ABHD2: variants seen among roughly 807,000 people sequenced by gnomAD.
ABHD2 encodes monoacylglycerol lipase ABHD2.
A neutral mutation model predicts 48.1 loss-of-function variants in ABHD2; 20 were observed. That is an observed-to-expected ratio of 0.42 (90% CI 0.29 to 0.60). The LOEUF (loss-of-function observed/expected upper bound fraction) is 0.60, where lower values mean the gene tolerates loss of function less well. Ranked by LOEUF, ABHD2 falls within the 20% of genes least tolerant of loss-of-function variation. The pLI, the probability that ABHD2 is intolerant of heterozygous loss-of-function variation, is 0.24. For missense variants in ABHD2, 405 were observed against 550.9 expected, an observed-to-expected ratio of 0.74 and a Z score of 2.65; for synonymous variants, 209 against 214.2, an observed-to-expected ratio of 0.98 and a Z score of 0.21.
At chr15:89,067,981 A>G in the ABHD2 span, among the ~76,000 whole-genome samples, 1,045 of 152,254 alleles carry the variant, frequency 6.9e-3, 6 homozygotes, top group African/African-American at 0.024. Context: ...GGCCACAAAT[A>G]CTGAATCACC....
chr15:89,165,678 G>A (rs1399230608), intron 5 of ABHD2, among the ~76,000 whole-genome samples: 1 of 152,174 alleles, frequency 6.6e-6, no homozygotes, highest in East Asian at 1.9e-4. Context: ...ATAACACTTG[G>A]AAATCAAGGA....
intron 3 of ABHD2, among the ~76,000 whole-genome samples, chr15:89,125,646 C>T (rs1353742355): frequency 1.3e-5 from 2 of 152,198 alleles, no homozygotes; most frequent in Admixed American, 6.5e-5. Context: ...ACTGTCAGTA[C>T]TAATACCGGG....
chr15:89,148,564 C>T (rs2050536811), intron 3 of ABHD2, among the ~76,000 whole-genome samples: 1 of 152,244 alleles, frequency 6.6e-6, no homozygotes, highest in South Asian at 2.1e-4. Context: ...GTAAAACGCA[C>T]ATACCTCTCA....
At chr15:89,061,636 A>T in the ABHD2 span, among the ~76,000 whole-genome samples, 1 of 151,976 alleles carries the variant, frequency 6.6e-6, no homozygotes, top group African/African-American at 2.4e-5. Context: ...GCAGTGGCAC[A>T]ATCTCAGCTC....
the ABHD2 span, among the ~76,000 whole-genome samples, chr15:89,060,105 T>TC: frequency 1.5e-5 from 2 of 130,510 alleles, no homozygotes; most frequent in Admixed American, 1.6e-4. Flanking sequence ...TTTTTTTTTT[T>TC]TTGAGACAGA....
intron 3 of ABHD2, among the ~76,000 whole-genome samples, chr15:89,139,544 T>G (rs2050369539): frequency 6.6e-6 from 1 of 152,154 alleles, no homozygotes; most frequent in Non-Finnish European, 1.5e-5. Flanking sequence ...TGAATTTTAT[T>G]AAATCAATAT....
the ABHD2 span, among the ~76,000 whole-genome samples, chr15:89,069,834 C>A: frequency 6.6e-6 from 1 of 151,864 alleles, no homozygotes; most frequent in Non-Finnish European, 1.5e-5. Flanking sequence ...TGCGTACCAC[C>A]ATGCATGGCT....
chr15:89,072,193 G>C, the ABHD2 span, among the ~76,000 whole-genome samples: 1 of 152,098 alleles, frequency 6.6e-6, no homozygotes, highest in African/African-American at 2.4e-5. Context: ...ACAAATGTTT[G>C]GGCCAGGTGC....
rs28481717 is a variant in ABHD2, at chr15:89,100,043, C to T, written c.-107+11480C>T. 0.036 allele frequency among the ~76,000 whole-genome samples: 5,509 copies of T among 152,018 alleles called. 336 individuals carry two copies. Among genetic ancestry groups the T allele is most frequent in the African/African-American group, 0.13 (5,248 of 41,452 alleles). ...AGATTTAATATTTTGTCTGGGCAGC[C>T]GGTAGAGGAGCTTATGGTCTGGAAT... On this transcript the variant is annotated intron_variant, in intron 1 of 10. Coordinates refer to ENST00000352732, the MANE Select transcript of ABHD2 (RefSeq NM_152924.5). This position sits in a 1 kb window ranked among gnomAD's most constrained non-coding sequence, Gnocchi z 4.4.
chr15:89,105,360 T>C (rs2049767852), intron 1 of ABHD2, among the ~76,000 whole-genome samples: 1 of 152,240 alleles, frequency 6.6e-6, no homozygotes, highest in Admixed American at 6.5e-5. Flanking sequence ...AATGTGAGGT[T>C]CACGTTTTCC....
At position 89,097,526 on chromosome 15, in the gene ABHD2, T is replaced by C. The variant is rs2150779098; in HGVS notation, c.-107+8963T>C. Among the ~76,000 whole-genome samples the C allele has an allele frequency of 6.6e-6, 1 of 152,330 alleles. No individual in the cohort carries two copies. The highest frequency in any genetic ancestry group is 2.1e-4 in the South Asian group (1 of 4,830). Reference sequence around the variant, plus strand: ...GACATTATGATTGATTGCTCTACCATTTATGTCTCTTTTAAGCTATAGGTC... The same window carrying C: ...GACATTATGATTGATTGCTCTACCACTTATGTCTCTTTTAAGCTATAGGTC... On this transcript the variant is annotated intron_variant, in intron 1 of 10. Coordinates refer to ENST00000352732, the MANE Select transcript of ABHD2 (RefSeq NM_152924.5). This position sits in a 1 kb window ranked among gnomAD's most constrained non-coding sequence, Gnocchi z 4.2.
chr15:89,149,394 A>T (rs981846901), intron 3 of ABHD2, among the ~76,000 whole-genome samples: 1 of 152,226 alleles, frequency 6.6e-6, no homozygotes, highest in Non-Finnish European at 1.5e-5. Flanking sequence ...TTTTAAAAAC[A>T]TATATTTGTC....
rs1329319115 is a variant in ABHD2 at position 89,177,609 on chromosome 15, G to A, written c.722+1614G>A. 6.6e-6 allele frequency among the ~76,000 whole-genome samples: 1 copy of A among 152,130 alleles called. No individual in the cohort carries two copies. Among genetic ancestry groups the A allele is most frequent in the African/African-American group, 2.4e-5 (1 of 41,412 alleles). On this transcript the variant is annotated intron_variant, in intron 6 of 10. Transcript: ENST00000352732. The surrounding 1 kb of genome is among the most constrained non-coding windows in gnomAD (Gnocchi z 5.6). ...TCTCTCCAGCTGCTCTCGCGTTCCA[G>A]GACCAGGCTAGTCCCCCATCTTCCT...
In ABHD2 at chr15:89,182,959, T is replaced by C. The variant is rs1171952665; in HGVS notation, c.723-2465T>C. 6.6e-6 allele frequency among the ~76,000 whole-genome samples: 1 copy of C among 152,156 alleles called. No homozygotes were observed. Among genetic ancestry groups the C allele is most frequent in the African/African-American group, 2.4e-5 (1 of 41,428 alleles). On this transcript the variant is annotated intron_variant, in intron 6 of 10. Transcript: ENST00000352732. This position sits in a 1 kb window ranked among gnomAD's most constrained non-coding sequence, Gnocchi z 4.8. ...ATAACATGAATTCATACCCCCATCTTGTTTCCTCTACACCTATCCATTCAA... is the reference window on the plus strand; with the variant it reads ...ATAACATGAATTCATACCCCCATCTCGTTTCCTCTACACCTATCCATTCAA...
In ABHD2 at chr15:89,097,722, T is replaced by C. The variant is rs1315384484; in HGVS notation, c.-107+9159T>C. 6.6e-6 allele frequency among the ~76,000 whole-genome samples: 1 copy of C among 152,204 alleles called. No homozygotes were observed. Among genetic ancestry groups the C allele is most frequent in the Admixed American group, 6.5e-5 (1 of 15,276 alleles). ...AAACTTCCTCCCAAGAAGCACTCAA[T>C]GTTACTAGTATCTTGTATATTTTTT... is the stretch of plus-strand genomic sequence containing the variant. On this transcript the variant is annotated intron_variant, in intron 1 of 10. Coordinates refer to ENST00000352732, the MANE Select transcript of ABHD2 (RefSeq NM_152924.5). This position sits in a 1 kb window ranked among gnomAD's most constrained non-coding sequence, Gnocchi z 4.2.
At chr15:89,048,211 A>G in the ABHD2 span, among the ~76,000 whole-genome samples, 3 of 151,670 alleles carry the variant, frequency 2.0e-5, no homozygotes, top group African/African-American at 7.2e-5. Context: ...TTCTTTAAGA[A>G]TGTTGAATAT....
intron 3 of ABHD2, among the ~76,000 whole-genome samples, chr15:89,144,781 A>G (rs770575547): frequency 4.6e-5 from 7 of 152,216 alleles, no homozygotes; most frequent in African/African-American, 2.4e-5. Flanking sequence ...TGAGTGCCCA[A>G]TATTTTGAAT....
intron 5 of ABHD2, among the ~76,000 whole-genome samples, chr15:89,172,402 T>C (rs969256834): frequency 6.6e-6 from 1 of 152,260 alleles, no homozygotes; most frequent in East Asian, 1.9e-4. Flanking sequence ...GTTTACTTCA[T>C]GTAGCATAAT....
chr15:89,057,938 T>C, the ABHD2 span, among the ~76,000 whole-genome samples: 101 of 152,264 alleles, frequency 6.6e-4, no homozygotes, highest in African/African-American at 2.3e-3. Context: ...ACCCAGTCCA[T>C]CAGGGACCCC....
Sources: allele counts gnomAD v4.1 joint callset (sites outside exome capture counted in the v4.1 genomes callset), GRCh38; gene constraint gnomAD v4.1.1; non-coding constraint Gnocchi (gnomAD v3.1); transcripts MANE v1.5; gene names NCBI Gene and HGNC (gene_info 2026-07-23, HGNC 2026-07-21).